TMEM114: variants seen among roughly 807,000 people sequenced by gnomAD.
TMEM114 encodes transmembrane protein 114, also known as claudin-26.
Under a neutral mutation model 6.2 loss-of-function variants are expected in TMEM114, and 6 were observed. The ratio of observed to expected loss-of-function variants is 0.97; its 90% CI spans 0.53 to 1.91. The LOEUF is 1.91. Ranked by LOEUF, TMEM114 falls within the 40% of genes most tolerant of loss-of-function variation. The pLI is 0.01. For synonymous variants in TMEM114, 104 were observed against 73.0 expected (o/e 1.42, Z -2.16); for missense variants, 218 against 158.3 (o/e 1.38, Z -2.02).
At chr16:8,552,255 G>A (rs4238902) in intron 2 of TMEM114, among the ~76,000 whole-genome samples, 63,408 of 151,550 alleles carry the variant, frequency 0.42, 13,649 homozygotes, top group East Asian at 0.52. Context: ...ATGGTTGTGT[G>A]TGCCTATAGT....
intron 2 of TMEM114, among the ~76,000 whole-genome samples, chr16:8,564,346 A>G (rs1371928260): frequency 7.3e-6 from 1 of 137,842 alleles, no homozygotes; most frequent in Non-Finnish European, 1.5e-5. Context: ...AGTCAGTGAG[A>G]GAATGAGTCA....
chr16:8,529,578 C>G, the TMEM114 span, among the ~76,000 whole-genome samples: 2 of 152,144 alleles, frequency 1.3e-5, no homozygotes, highest in African/African-American at 4.8e-5. Context: ...TTCAGATGAA[C>G]TGAATTGGAA....
At chr16:8,537,031 C>A (rs1453229983), downstream of TMEM114, among the ~76,000 whole-genome samples, 2 of 151,712 alleles carry the variant, frequency 1.3e-5, no homozygotes, top group East Asian at 3.9e-4. Context: ...CAAGATGAAA[C>A]CCTATGTCTA....
At chr16:8,576,228 C>A (rs1322366333) in intron 2 of TMEM114, among the ~76,000 whole-genome samples, 2 of 152,216 alleles carry the variant, frequency 1.3e-5, no homozygotes, top group Non-Finnish European at 2.9e-5. Context: ...GTCTGCCTCC[C>A]TATAGATAAG....
At chr16:8,535,560 T>C (rs1900331172), downstream of TMEM114, among the ~76,000 whole-genome samples, 1 of 152,208 alleles carries the variant, frequency 6.6e-6, no homozygotes, top group African/African-American at 2.4e-5. Flanking sequence ...TTAATAATAT[T>C]GAAATAATGC....
intron 2 of TMEM114, among the ~76,000 whole-genome samples, chr16:8,563,744 A>C (rs552422668): frequency 6.3e-4 from 95 of 150,606 alleles, no homozygotes; most frequent in Middle Eastern, 3.4e-3. Flanking sequence ...TGAATGAATG[A>C]GTCAGTGAAT....
At chr16:8,546,153 T>C (rs1023580305) in intron 2 of TMEM114, among the ~76,000 whole-genome samples, 1 of 152,196 alleles carries the variant, frequency 6.6e-6, no homozygotes, top group Non-Finnish European at 1.5e-5. Flanking sequence ...AAAACAATTA[T>C]ATTAAGAACA....
At chr16:8,535,505 A>G (rs893466544), downstream of TMEM114, among the ~76,000 whole-genome samples, 11 of 152,196 alleles carry the variant, frequency 7.2e-5, no homozygotes, top group Non-Finnish European at 1.5e-4. Context: ...CCATAGCACA[A>G]TCATAATTGC....
chr16:8,581,372 G>A (rs935952622), intron 2 of TMEM114, among the ~76,000 whole-genome samples: 19 of 152,186 alleles, frequency 1.2e-4, no homozygotes, highest in African/African-American at 4.6e-4. Flanking sequence ...TGGGCAGTGA[G>A]GCTATACAGA....
rs148341810 is a variant in TMEM114, at chr16:8,562,198, G to C, written n.213-24372C>G. 8.4e-3 allele frequency among the ~76,000 whole-genome samples: 1,267 copies of C among 151,332 alleles called. 45 individuals carry two copies. Among genetic ancestry groups the C allele is most frequent in the African/African-American group, 0.03 (1,217 of 40,916 alleles). The stretch of plus-strand genomic sequence containing the variant: ...TGAATGAGTCAGTGAGTGAGTGAAT[G>C]AGTCAGTGAATGAGTGAGTAAATGA... On this transcript the variant is annotated intron_variant and non_coding_transcript_variant, in intron 2 of 2. Coordinates refer to the TMEM114 transcript ENST00000623677.
At chr16:8,536,665 T>G (rs1435210461), downstream of TMEM114, among the ~76,000 whole-genome samples, 2 of 152,182 alleles carry the variant, frequency 1.3e-5, no homozygotes, top group Admixed American at 1.3e-4. Context: ...TATTTTGGTT[T>G]GTTTTTGTTT....
intron 2 of TMEM114, among the ~76,000 whole-genome samples, chr16:8,542,547 C>G (rs9935924): frequency 1.8e-4 from 28 of 151,844 alleles, no homozygotes; most frequent in African/African-American, 6.1e-4. Context: ...TATGTAAGAA[C>G]GATTTGGCAG....
intron 2 of TMEM114, among the ~76,000 whole-genome samples, chr16:8,541,166 C>G (rs752997647): frequency 2.0e-5 from 3 of 152,144 alleles, no homozygotes; most frequent in Non-Finnish European, 2.9e-5. Flanking sequence ...ATCGTCTAAA[C>G]TCATGACAAT....
chr16:8,558,189 G>T (rs1462009870), intron 2 of TMEM114, among the ~76,000 whole-genome samples: 1 of 152,186 alleles, frequency 6.6e-6, no homozygotes, highest in African/African-American at 2.4e-5. Flanking sequence ...AGAAGCAGAT[G>T]TTGCAGTGAG....
intron 2 of TMEM114, among the ~76,000 whole-genome samples, chr16:8,558,747 T>C (rs1368092205): frequency 2.0e-5 from 1 of 50,400 alleles, no homozygotes; most frequent in East Asian, 5.3e-4. Context: ...ACCCAGTTCT[T>C]TTTTTTTTTT....
At chr16:8,575,562 C>T (rs929128260) in intron 2 of TMEM114, among the ~76,000 whole-genome samples, 2 of 152,204 alleles carry the variant, frequency 1.3e-5, no homozygotes, top group Non-Finnish European at 2.9e-5. Context: ...AATGATGCAA[C>T]ACCTGCCACC....
Position 8,569,780 on chromosome 16 carries a change from G to A in TMEM114, c.665C>T (p.Ala222Val), listed in dbSNP as rs370941636. ...ELSLRRRQDQAI is the reference protein window; with the variant it reads ...ELSLRRRQDQVI ...ACGACCCAGCGCCCAGGCTCATATG[G>A]CCTGGTCCTGCCTCCGTCTCAGGCT... The change falls in exon 4 of 4, where the codon GCC (alanine) becomes GTC (valine). Residue 222 changes from alanine (A) to valine (V), a missense_variant. Transcript: ENST00000620492. The A allele has an allele frequency of 2.4e-4, 379 of 1,550,030 alleles. 2 individuals carry two copies. The East Asian group carries it at 8.0e-3, about 33-fold the overall frequency.
intron 2 of TMEM114, among the ~76,000 whole-genome samples, chr16:8,541,601 T>G (rs946844556): frequency 2.0e-5 from 3 of 152,192 alleles, no homozygotes; most frequent in Non-Finnish European, 4.4e-5. Context: ...TCAATATATT[T>G]GACATTTTGA....
the TMEM114 span, chr16:8,532,128 C>A: frequency 6.6e-6 from 1 of 152,186 alleles, no homozygotes; most frequent in African/African-American, 2.4e-5. Flanking sequence ...TCAGCTCCAA[C>A]ACACCAATCT....
Sources: gnomAD v4.1 joint callset for allele counts (sites outside exome capture counted in the v4.1 genomes callset) on GRCh38, gnomAD v4.1.1 for gene constraint, MANE v1.5 for transcripts, NCBI Gene and HGNC (gene_info 2026-07-23, HGNC 2026-07-21) for gene names.